Variants in FGF13 observed in about 807,000 individuals in gnomAD.
FGF13 encodes fibroblast growth factor 13, also known as fibroblast growth factor homologous factor 2.
Under a neutral mutation model 19.5 loss-of-function variants are expected in FGF13, and 2 were observed. The observed-to-expected ratio is 0.10, with a 90% CI of 0.04 to 0.32. The LOEUF is 0.32. Among genes scored for constraint, FGF13 ranks in the 10% least tolerant of loss-of-function variants. The pLI is 1.00. For missense variants in FGF13, 113 were observed against 192.7 expected (o/e 0.59, Z 2.45); for synonymous variants, 72 against 76.9 (o/e 0.94, Z 0.33).
rs202243820 is a variant in FGF13, at chrX:139,166,363, C to T, written c.-113+37053G>A. 2.3e-4 allele frequency among the ~76,000 whole-genome samples: 26 copies of T among 111,722 alleles called. No individual in the cohort carries two copies. In the East Asian group the frequency reaches 6.5e-3, roughly 28 times the overall value. ...TGTGAAGAAGGACGTATTTGCTACC[C>T]TTTCTGCCATGATTGTAAGATTCCT... On this transcript the variant is annotated intron_variant, in intron 1 of 2. Transcript: ENST00000421460.
intron 3 of FGF13, among the ~76,000 whole-genome samples, chrX:138,844,373 C>T (rs780437707): frequency 8.9e-6 from 1 of 111,889 alleles, no homozygotes; most frequent in Non-Finnish European, 1.9e-5. Context: ...GAAGAAAAAT[C>T]GATGACATCT....
chrX:138,890,832 G>A (rs1227603749), intron 1 of FGF13, among the ~76,000 whole-genome samples: 1 of 111,758 alleles, frequency 8.9e-6, no homozygotes, highest in Non-Finnish European at 1.9e-5. Context: ...CAAGTTCCTA[G>A]GTCCATTCTA....
At chrX:138,941,690 C>T (rs2091759015) in intron 1 of FGF13, among the ~76,000 whole-genome samples, 1 of 111,912 alleles carries the variant, frequency 8.9e-6, no homozygotes, top group Non-Finnish European at 1.9e-5. Flanking sequence ...AAAGAAAGTC[C>T]TCAAACCTCA....
intron 1 of FGF13, among the ~76,000 whole-genome samples, chrX:139,179,637 G>A (rs2084223608): frequency 8.9e-6 from 1 of 112,205 alleles, no homozygotes; most frequent in Non-Finnish European, 1.9e-5. Context: ...GAATATAACA[G>A]AAACAACCTC....
intron 2 of FGF13, among the ~76,000 whole-genome samples, chrX:138,858,880 C>CA (rs1225214857): frequency 1.1e-4 from 12 of 111,535 alleles, no homozygotes; most frequent in Non-Finnish European, 1.9e-4. Context: ...AATTTCCTTT[C>CA]ATGTCAAGGA....
At chrX:139,160,688 C>T (rs1196292387) in intron 1 of FGF13, among the ~76,000 whole-genome samples, 7 of 112,053 alleles carry the variant, frequency 6.2e-5, no homozygotes, top group South Asian at 3.7e-4. Context: ...CACAGAAACA[C>T]AAACTACCAT....
exon 3 of FGF13, chrX:138,857,554 G>A: frequency 8.3e-7 from 1 of 1,207,858 alleles, no homozygotes; most frequent in South Asian, 1.8e-5. Context: ...TGCTTCAGCG[G>A]GCAGCAGAAG....
intron 3 of FGF13, among the ~76,000 whole-genome samples, chrX:138,768,573 G>A (rs1045268010): frequency 9.2e-6 from 1 of 108,606 alleles, no homozygotes; most frequent in Non-Finnish European, 1.9e-5. Context: ...ATTAAAATAT[G>A]TCATTCCTAC....
chrX:138,899,299 T>C (rs1295254607), intron 1 of FGF13, among the ~76,000 whole-genome samples: 3 of 111,161 alleles, frequency 2.7e-5, no homozygotes, highest in Admixed American at 9.6e-5. Flanking sequence ...AAATGGAAGC[T>C]TGTATTTAAA....
intron 1 of FGF13, among the ~76,000 whole-genome samples, chrX:138,720,124 C>T (rs2090137406): frequency 1.8e-5 from 2 of 112,476 alleles, no homozygotes; most frequent in Non-Finnish European, 3.8e-5. Context: ...ATTCAAAGTA[C>T]AATAAATCAT....
At chrX:138,855,174 C>G (rs1284279487), downstream of FGF13, among the ~76,000 whole-genome samples, 4 of 111,642 alleles carry the variant, frequency 3.6e-5, no homozygotes, top group African/African-American at 1.3e-4. Context: ...AGTTACTTCG[C>G]CTCCTGGAAA....
intron 1 of FGF13, among the ~76,000 whole-genome samples, chrX:138,936,361 T>G (rs2124267137): frequency 8.9e-6 from 1 of 112,404 alleles, no homozygotes; most frequent in South Asian, 3.8e-4. Flanking sequence ...GAGAAAATTA[T>G]TTAACTTCAT....
rs1347458909 is a variant in FGF13 at position 138,949,451 on chromosome X, G to C, written c.-112-84801C>G. 3.6e-5 allele frequency among the ~76,000 whole-genome samples: 4 copies of C among 111,288 alleles called. No homozygotes were observed. The East Asian group carries it at 1.1e-3, about 32-fold the overall frequency. On this transcript the variant is annotated intron_variant, in intron 1 of 2. Transcript: ENST00000421460. ...CCATCACTACATGGCCTTCTCACCT[G>C]TGTGCCCGTGTCTCTGTTATTTCAC...
At chrX:138,828,836 T>G (rs182760687) in intron 3 of FGF13, among the ~76,000 whole-genome samples, 1 of 110,578 alleles carries the variant, frequency 9.0e-6, no homozygotes, top group African/African-American at 3.3e-5. Flanking sequence ...TTCAGAAACA[T>G]GTATTGGGCA....
intron 1 of FGF13, among the ~76,000 whole-genome samples, chrX:138,933,143 G>A (rs989181386): frequency 5.4e-5 from 6 of 111,446 alleles, no homozygotes; most frequent in Non-Finnish European, 1.1e-4. Context: ...CCCACTGCCT[G>A]CAGGACTAAG....
chrX:139,113,972 C>A (rs1428861154), intron 1 of FGF13, among the ~76,000 whole-genome samples: 1 of 112,069 alleles, frequency 8.9e-6, no homozygotes, highest in Admixed American at 9.5e-5. Context: ...TCTTAACACC[C>A]ACTTAATTTC....
chrX:139,161,115 G>C, intron 1 of FGF13, among the ~76,000 whole-genome samples: 1 of 111,953 alleles, frequency 8.9e-6, no homozygotes, highest in Non-Finnish European at 1.9e-5. Context: ...CTGGCAAAAT[G>C]AATCTAGCAG....
At chrX:138,889,763 G>A (rs932505347) in intron 1 of FGF13, among the ~76,000 whole-genome samples, 3 of 111,507 alleles carry the variant, frequency 2.7e-5, no homozygotes, top group African/African-American at 6.5e-5. Context: ...TGTATATCAA[G>A]GCTAGAACAG....
At chrX:139,064,523 C>T (rs1357269329) in intron 1 of FGF13, among the ~76,000 whole-genome samples, 1 of 107,904 alleles carries the variant, frequency 9.3e-6, no homozygotes, top group African/African-American at 3.4e-5. Context: ...AGGATGGTCT[C>T]GATCTCCTGA....
Sources: gnomAD v4.1 joint callset for allele counts (sites outside exome capture counted in the v4.1 genomes callset) on GRCh38, gnomAD v4.1.1 for gene constraint, MANE v1.5 for transcripts, NCBI Gene and HGNC (gene_info 2026-07-23, HGNC 2026-07-21) for gene names.